Variants in NAALADL2 observed in about 807,000 individuals in gnomAD.
NAALADL2 encodes N-acetylated alpha-linked acidic dipeptidase like 2, also known as inactive N-acetylated-alpha-linked acidic dipeptidase-like protein 2.
In NAALADL2, 76 loss-of-function variants were observed where a neutral mutation model predicts 87.2. The ratio of observed to expected loss-of-function variants is 0.87; its 90% CI spans 0.72 to 1.05. The LOEUF is 1.05. NAALADL2 is among the 50% of genes least tolerant of loss of function. The pLI is 0.00. For missense variants in NAALADL2, 1,089 were observed against 945.8 expected, an observed-to-expected ratio of 1.15 and a Z score of -1.99; for synonymous variants, 354 against 331.0, an observed-to-expected ratio of 1.07 and a Z score of -0.75.
chr3:175,721,885 T>A (rs1373168625), intron 11 of NAALADL2, among the ~76,000 whole-genome samples: 1 of 152,082 alleles, frequency 6.6e-6, no homozygotes, highest in African/African-American at 2.4e-5. Context: ...AGATTGTTTT[T>A]TAATGCATTA....
chr3:174,996,653 C>T (rs1747505467), intron 1 of NAALADL2, among the ~76,000 whole-genome samples: 1 of 152,062 alleles, frequency 6.6e-6, no homozygotes, highest in Admixed American at 6.6e-5. Context: ...TCTTTTATTT[C>T]AACAGTTTTG....
intron 2 of NAALADL2, among the ~76,000 whole-genome samples, chr3:175,184,719 G>A (rs946051721): frequency 6.6e-6 from 1 of 151,980 alleles, no homozygotes; most frequent in Non-Finnish European, 1.5e-5. Flanking sequence ...TCTTAGCTTT[G>A]GAGCATTACT....
At chr3:174,461,877 A>G (rs1716235142) in intron 1 of NAALADL2, among the ~76,000 whole-genome samples, 1 of 151,982 alleles carries the variant, frequency 6.6e-6, no homozygotes, top group Non-Finnish European at 1.5e-5. Context: ...TGTTCTTCAA[A>G]TATCTGTATG....
In NAALADL2 at chr3:174,786,776, G is replaced by C. The variant is rs551461371; in HGVS notation, c.-9+49030G>C. ...GAAACACAAGGTTTGTTAGATAAGG[G>C]TTATGCCCTGTGATAGTAATAAAGA... On this transcript the variant is annotated intron_variant, in intron 3 of 3. Transcript: ENST00000434257. 6.4e-4 allele frequency among the ~76,000 whole-genome samples: 97 copies of C among 152,130 alleles called. 1 individual carries two copies. In the South Asian group the frequency reaches 0.018, roughly 29 times the overall value.
chr3:175,131,072 A>G (rs1324809402), intron 2 of NAALADL2, among the ~76,000 whole-genome samples: 1 of 151,334 alleles, frequency 6.6e-6, no homozygotes, highest in African/African-American at 2.4e-5. Flanking sequence ...GTGTCTTTTA[A>G]ATTTCTTTTA....
rs529625346 is a variant in NAALADL2 at position 174,489,730 on chromosome 3, C to T, written c.-184+48698C>T. Among the ~76,000 whole-genome samples the T allele has an allele frequency of 5.1e-4, 78 of 152,176 alleles. 2 individuals are homozygous for T. The highest frequency in any genetic ancestry group is 1.6e-3 in the African/African-American group (66 of 41,560). On this transcript the variant is annotated intron_variant, in intron 1 of 3. Coordinates refer to the NAALADL2 transcript ENST00000434257. ...AATAAGCACATGAAAAGGTGCTTAACATCATTACACATCAGGGAATTGCAT... is the reference window on the plus strand; with the variant it reads ...AATAAGCACATGAAAAGGTGCTTAATATCATTACACATCAGGGAATTGCAT...
chr3:175,100,306 C>G (rs1721914242), intron 2 of NAALADL2, among the ~76,000 whole-genome samples: 1 of 151,794 alleles, frequency 6.6e-6, no homozygotes. Flanking sequence ...GAAGCAAAAG[C>G]TAGGGAGAAT....
chr3:175,718,655 G>A (rs1583003850), intron 11 of NAALADL2: 19 of 1,580,288 alleles, frequency 1.2e-5, no homozygotes, highest in Middle Eastern at 3.3e-4. Context: ...TCCCGAGCCC[G>A]TGGTGGCTGC....
intron 5 of NAALADL2, among the ~76,000 whole-genome samples, chr3:175,365,671 G>T (rs1765468767): frequency 6.8e-6 from 1 of 147,036 alleles, no homozygotes; most frequent in Non-Finnish European, 1.5e-5. Context: ...TTTTGAGTGT[G>T]ATGAGATGGA....
intron 1 of NAALADL2, among the ~76,000 whole-genome samples, chr3:174,882,467 A>G (rs1729325866): frequency 6.8e-6 from 1 of 146,756 alleles, no homozygotes; most frequent in Non-Finnish European, 1.5e-5. Context: ...ACATATATAC[A>G]TATGTGTATG....
intron 1 of NAALADL2, among the ~76,000 whole-genome samples, chr3:175,030,842 C>T (rs913031923): frequency 1.3e-5 from 2 of 151,862 alleles, no homozygotes; most frequent in Admixed American, 6.6e-5. Flanking sequence ...TGTTTATGAA[C>T]AGTTAATGGA....
At chr3:174,541,642 A>C (rs1220572952) in intron 1 of NAALADL2, among the ~76,000 whole-genome samples, 2 of 152,222 alleles carry the variant, frequency 1.3e-5, no homozygotes, top group African/African-American at 4.8e-5. Flanking sequence ...TCCATTTATG[A>C]TTTTTATCAT....
intron 1 of NAALADL2, among the ~76,000 whole-genome samples, chr3:174,985,504 G>A (rs1745732762): frequency 6.6e-6 from 1 of 152,186 alleles, no homozygotes; most frequent in African/African-American, 2.4e-5. Context: ...GAAACAAAAT[G>A]TGACCTTAAA....
At chr3:174,921,823 AAAAAG>A (rs766969444) in intron 1 of NAALADL2, among the ~76,000 whole-genome samples, 4,636 of 82,958 alleles carry the variant, frequency 0.056, 242 homozygotes, top group African/African-American at 0.11. Context: ...AAAAAAAAAG[AAAAAG>A]AAAAAGAAAA....
chr3:175,024,271 G>T (rs1261109379), intron 1 of NAALADL2, among the ~76,000 whole-genome samples: 1 of 152,006 alleles, frequency 6.6e-6, no homozygotes, highest in Non-Finnish European at 1.5e-5. Flanking sequence ...AGTACCCTAT[G>T]ATTAATATGC....
chr3:174,779,268 A>T (rs937382048), intron 3 of NAALADL2, among the ~76,000 whole-genome samples: 2 of 152,052 alleles, frequency 1.3e-5, no homozygotes, highest in African/African-American at 4.8e-5. Flanking sequence ...TTGGCTGCAT[A>T]AATGTCTTCT....
chr3:174,596,930 C>T (rs1412338680), intron 2 of NAALADL2, among the ~76,000 whole-genome samples: 1 of 152,134 alleles, frequency 6.6e-6, no homozygotes, highest in Non-Finnish European at 1.5e-5. Context: ...TGATTTTAAC[C>T]ATTAACTTCT....
intron 1 of NAALADL2, among the ~76,000 whole-genome samples, chr3:174,442,194 T>C (rs1488003917): frequency 1.3e-5 from 2 of 152,100 alleles, no homozygotes; most frequent in Non-Finnish European, 2.9e-5. Context: ...GAAGGGACCA[T>C]GGTGAGCACT....
chr3:174,767,245 A>G (rs774227635), intron 3 of NAALADL2, among the ~76,000 whole-genome samples: 1 of 152,218 alleles, frequency 6.6e-6, no homozygotes, highest in Non-Finnish European at 1.5e-5. Flanking sequence ...ATAATAAATG[A>G]TATCAGAGCA....
Sources: gnomAD v4.1 joint callset for allele counts (sites outside exome capture counted in the v4.1 genomes callset) on GRCh38, gnomAD v4.1.1 for gene constraint, MANE v1.5 for transcripts, NCBI Gene and HGNC (gene_info 2026-07-23, HGNC 2026-07-21) for gene names.